The following L3MBTL4 variants were observed in gnomAD, a reference collection of about 807,000 sequenced individuals.
L3MBTL4 encodes L3MBTL histone methyl-lysine binding protein 4, also known as lethal(3)malignant brain tumor-like protein 4.
A neutral mutation model predicts 84.5 loss-of-function variants in L3MBTL4; 70 were observed. That is an observed-to-expected ratio of 0.83 (90% CI 0.68 to 1.01). The LOEUF is 1.01. L3MBTL4 is among the 50% of genes least tolerant of loss of function. The pLI is 0.00. For synonymous variants in L3MBTL4, 274 were observed against 259.8 expected (o/e 1.05, Z -0.52); for missense variants, 715 against 754.8 (o/e 0.95, Z 0.62).
intron 16 of L3MBTL4, among the ~76,000 whole-genome samples, chr18:6,045,823 A>G (rs2056594499): frequency 6.6e-6 from 1 of 152,220 alleles, no homozygotes; most frequent in African/African-American, 2.4e-5. Context: ...AAGCAACCAC[A>G]CAATAGGAAC....
At chr18:5,972,130 G>A (rs759598052) in intron 16 of L3MBTL4, among the ~76,000 whole-genome samples, 1 of 152,128 alleles carries the variant, frequency 6.6e-6, no homozygotes. Context: ...TCCCCTACCT[G>A]GGGTTCAGAG....
intron 12 of L3MBTL4, among the ~76,000 whole-genome samples, chr18:6,193,237 A>G (rs549066363): frequency 4.6e-5 from 7 of 152,244 alleles, no homozygotes; most frequent in African/African-American, 1.7e-4. Context: ...TAAAACCACC[A>G]AGAATGAAAA....
chr18:6,131,908 T>C lies in L3MBTL4; in HGVS notation c.1199+6286A>G, dbSNP rs544325887. Among the ~76,000 whole-genome samples, 161 of 152,282 alleles carry C rather than the reference T, an allele frequency of 1.1e-3. 1 individual carries two copies. The highest frequency in any genetic ancestry group is 3.7e-3 in the African/African-American group (155 of 41,558). On this transcript the variant is annotated intron_variant, in intron 14 of 18. Transcript: ENST00000317931. ...TATGAATGATATCAATTTTTTACAG[T>C]TAATTGCAAGAGAATTTTAGTAAAT...
At chr18:6,267,363 G>T (rs924555650) in intron 4 of L3MBTL4, among the ~76,000 whole-genome samples, 1 of 152,176 alleles carries the variant, frequency 6.6e-6, no homozygotes, top group African/African-American at 2.4e-5. Context: ...AGACGTCATG[G>T]TGTGATTTCC....
intron 17 of L3MBTL4, among the ~76,000 whole-genome samples, chr18:5,964,763 G>A (rs1163206308): frequency 6.6e-6 from 1 of 152,106 alleles, no homozygotes; most frequent in Non-Finnish European, 1.5e-5. Flanking sequence ...TACCTAGGGG[G>A]GTAAATGTGC....
At chr18:6,175,380 TAAAC>T (rs1214901981) in intron 12 of L3MBTL4, among the ~76,000 whole-genome samples, 5 of 151,780 alleles carry the variant, frequency 3.3e-5, no homozygotes, top group East Asian at 3.9e-4. Context: ...AATTTTCAGA[TAAAC>T]AAAAAAAAAG....
At position 6,003,094 on chromosome 18, in the gene L3MBTL4, TATCTCTATTTATAGAG is replaced by T. The variant is rs2054297871; in HGVS notation, c.1445-33548_1445-33533del. The stretch of plus-strand genomic sequence containing the variant: ...TATAGAGATACTATATAAAATATAG[TATCTCTATTTATAGAG>T]ATACTATATAAAATATAGTATCTCT... On this transcript the variant is annotated intron_variant, in intron 16 of 18. Coordinates refer to ENST00000317931, the MANE Select transcript of L3MBTL4 (RefSeq NM_001330559.2). 2.9e-5 allele frequency among the ~76,000 whole-genome samples: 3 copies of T among 102,592 alleles called. No individual in the cohort carries two copies. In the South Asian group the frequency reaches 8.4e-4, roughly 29 times the overall value. The allele number at this position is 102,592 out of a possible 152,430, so 67.3% of individuals were successfully genotyped here. A position where few individuals can be genotyped will look rare whatever the true frequency, so the allele number is the denominator to read the frequency against.
intron 1 of L3MBTL4, among the ~76,000 whole-genome samples, chr18:6,392,574 GA>G (rs2055101669): frequency 6.6e-6 from 1 of 152,092 alleles, no homozygotes; most frequent in Non-Finnish European, 1.5e-5. Flanking sequence ...ATAGTGCTGG[GA>G]AAACTGAATA....
chr18:6,211,710 A>G (rs1216033590), intron 12 of L3MBTL4, among the ~76,000 whole-genome samples: 1 of 150,460 alleles, frequency 6.6e-6, no homozygotes, highest in Non-Finnish European at 1.5e-5. Flanking sequence ...GTGCAGTGGC[A>G]TGATCTCGGC....
intron 12 of L3MBTL4, among the ~76,000 whole-genome samples, chr18:6,208,653 C>T (rs959574979): frequency 1.3e-5 from 2 of 152,134 alleles, no homozygotes; most frequent in African/African-American, 4.8e-5. Context: ...AAGCATCCAC[C>T]CATCTACTGT....
chr18:6,184,640 T>C (rs2044635195), intron 12 of L3MBTL4, among the ~76,000 whole-genome samples: 1 of 152,224 alleles, frequency 6.6e-6, no homozygotes, highest in African/African-American at 2.4e-5. Context: ...CAGGCACATG[T>C]TCCTCTTGGC....
At chr18:6,055,729 T>A (rs1268000219) in intron 16 of L3MBTL4, among the ~76,000 whole-genome samples, 1 of 152,108 alleles carries the variant, frequency 6.6e-6, no homozygotes, top group East Asian at 1.9e-4. Context: ...GCACAAAGCA[T>A]CATCTCACAG....
At chr18:6,101,908 T>C (rs2058846061) in intron 14 of L3MBTL4, among the ~76,000 whole-genome samples, 1 of 152,160 alleles carries the variant, frequency 6.6e-6, no homozygotes, top group Non-Finnish European at 1.5e-5. Context: ...CGAAATTCTT[T>C]TGCATGGCAT....
chr18:5,956,271 G>C lies in L3MBTL4; in HGVS notation c.1794C>G (p.Ser598=). ...IYNSILMFRH[S]QELPEEDIAS... is the part of the protein sequence containing the mutation. ...CAATATCTTCTTCAGGGAGTTCCTG[G>C]GAATGCCTGAACATCAGGATAGAGT... is the stretch of plus-strand genomic sequence containing the variant. The change falls in exon 19 of 19, where the codon TCC becomes TCG. Residue 598 remains serine (S), a synonymous_variant. Coordinates refer to ENST00000317931, the MANE Select transcript of L3MBTL4 (RefSeq NM_001330559.2). 6.2e-7 allele frequency: 1 copy of C among 1,614,050 alleles called. No homozygotes were observed. Among genetic ancestry groups the C allele is most frequent in the East Asian group, 2.2e-5 (1 of 44,874 alleles).
At chr18:6,007,049 T>A (rs2054519921) in intron 16 of L3MBTL4, among the ~76,000 whole-genome samples, 1 of 152,150 alleles carries the variant, frequency 6.6e-6, no homozygotes, top group Admixed American at 6.5e-5. Flanking sequence ...CTCTATGTTA[T>A]TAAATCCAAG....
chr18:6,307,993 C>T (rs974561863), intron 3 of L3MBTL4, among the ~76,000 whole-genome samples: 1 of 152,016 alleles, frequency 6.6e-6, no homozygotes, highest in Non-Finnish European at 1.5e-5. Context: ...GTGCGCAGAA[C>T]GCTTACATAC....
In L3MBTL4 at chr18:6,051,538, C is replaced by CAA. The variant is rs71370540; in HGVS notation, c.1444+29341_1444+29342dup. Among the ~76,000 whole-genome samples the CAA allele has an allele frequency of 3.2e-3, 441 of 138,580 alleles. 3 individuals are homozygous for CAA. Among genetic ancestry groups the CAA allele is most frequent in the African/African-American group, 0.011 (401 of 38,060 alleles). The allele number at this position is 138,580 out of a possible 152,430, so 90.9% of individuals were successfully genotyped here. On this transcript the variant is annotated intron_variant, in intron 16 of 18. Coordinates refer to ENST00000317931, the MANE Select transcript of L3MBTL4 (RefSeq NM_001330559.2). ...TGGGCGGCGCAGCAAGGCTCTGTCT[C>CAA]AAAAAAAAAAAAAGGAAGAAACGAA...
At chr18:6,121,685 C>CGTGTGTGTGTGTGT (rs762077935) in intron 14 of L3MBTL4, among the ~76,000 whole-genome samples, 249 of 142,912 alleles carry the variant, frequency 1.7e-3, no homozygotes, top group African/African-American at 6.4e-3. Context: ...ATTGTTTCCC[C>CGTGTGTGTGTGTGT]GTGTGTGTGT....
At chr18:6,030,579 G>T in intron 16 of L3MBTL4, 1 of 760,700 alleles carries the variant, frequency 1.3e-6, no homozygotes, top group African/African-American at 1.9e-5. Flanking sequence ...TCAGCTCACT[G>T]CCTCCACCTC....
Sources: gnomAD v4.1 joint callset for allele counts (sites outside exome capture counted in the v4.1 genomes callset) on GRCh38, gnomAD v4.1.1 for gene constraint, MANE v1.5 for transcripts, NCBI Gene and HGNC (gene_info 2026-07-23, HGNC 2026-07-21) for gene names.